TNFRSF10A: variants seen among roughly 807,000 people sequenced by gnomAD.
TNFRSF10A encodes the protein tumor necrosis factor receptor superfamily member 10A.
TNFRSF10A carries 44 observed loss-of-function variants against 42.8 expected under a neutral mutation model. That is an observed-to-expected ratio of 1.03 (90% CI 0.81 to 1.32). TNFRSF10A has a LOEUF of 1.32. Ranked by LOEUF, TNFRSF10A falls within the 40% of genes most tolerant of loss-of-function variation. The pLI is 0.00. For synonymous variants in TNFRSF10A, 259 were observed against 234.2 expected, an observed-to-expected ratio of 1.11 and a Z score of -0.97; for missense variants, 680 against 602.0, an observed-to-expected ratio of 1.13 and a Z score of -1.36.
Position 23,212,169 on chromosome 8 carries a change from G to A in TNFRSF10A, c.350C>T (p.Ser117Leu). ...SAATIKLHDQ[S>L]IGTQQWEHSP... ...ATGTTCCCATTGCTGTGTGCCAATTGATTGATCATGAAGTTTGATGGTTGC... is the reference window on the plus strand; with the variant it reads ...ATGTTCCCATTGCTGTGTGCCAATTAATTGATCATGAAGTTTGATGGTTGC... Residue 117 changes from serine to leucine, a missense_variant, in exon 2 of 10, where the codon TCA (serine) becomes TTA (leucine). Transcript: ENST00000221132. The A allele has an allele frequency of 6.2e-7, 1 of 1,613,842 alleles. No individual in the cohort carries two copies.
At chr8:23,195,730 G>T (rs1800814122) in intron 9 of TNFRSF10A, among the ~76,000 whole-genome samples, 1 of 152,132 alleles carries the variant, frequency 6.6e-6, no homozygotes, top group Non-Finnish European at 1.5e-5. Flanking sequence ...TTTGGTGGAA[G>T]TGGGGCCGAG....
intron 8 of TNFRSF10A, 128 bp from the exon 9 acceptor site, chr8:23,197,332 G>C (rs1800838673): frequency 9.1e-7 from 1 of 1,102,246 alleles, no homozygotes; most frequent in African/African-American, 1.5e-5. Context: ...CATGGAGATG[G>C]TGAAAAACCT....
intron 1 of TNFRSF10A, among the ~76,000 whole-genome samples, chr8:23,220,749 G>A (rs936333019): frequency 1.3e-5 from 2 of 152,208 alleles, no homozygotes; most frequent in Non-Finnish European, 2.9e-5. Flanking sequence ...CAGGCTCAGG[G>A]CATGGCACTG....
At chr8:23,195,048 A>C (rs1038059032) in intron 9 of TNFRSF10A, among the ~76,000 whole-genome samples, 2 of 152,142 alleles carry the variant, frequency 1.3e-5, no homozygotes, top group African/African-American at 4.8e-5. Context: ...GGTCCCAGCT[A>C]CTCAGGAGGC....
rs1161744401 is a variant in TNFRSF10A at position 23,190,952 on chromosome 8, G to A, written c.*742C>T. On this transcript the variant is annotated 3_prime_UTR_variant, in exon 10 of 10. Transcript: ENST00000221132. ...GAAATCCTAGACTCTGATGTCCACA[G>A]GCAGAAGAGTGTCCCAGCTCCAGGA... is the stretch of plus-strand genomic sequence containing the variant. 1 of 152,194 alleles carries A rather than the reference G, an allele frequency of 6.6e-6. No homozygotes were observed. The allele number at this position is 152,194 out of a possible 1,614,324, so 9.4% of individuals were successfully genotyped here. A position where few individuals can be genotyped will look rare whatever the true frequency, so the allele number is the denominator to read the frequency against.
At chr8:23,223,807 G>C (rs956519580) in intron 1 of TNFRSF10A, among the ~76,000 whole-genome samples, 2 of 152,200 alleles carry the variant, frequency 1.3e-5, no homozygotes, top group African/African-American at 2.4e-5. Context: ...CTGAGTGATT[G>C]CTTTCACAGG....
At chr8:23,193,986 C>T (rs778077740) in intron 9 of TNFRSF10A, among the ~76,000 whole-genome samples, 1 of 152,168 alleles carries the variant, frequency 6.6e-6, no homozygotes, top group African/African-American at 2.4e-5. Flanking sequence ...GTGGTGTTCT[C>T]TGCGATGCTG....
At chr8:23,223,642 A>G (rs770264696) in intron 1 of TNFRSF10A, among the ~76,000 whole-genome samples, 31 of 152,170 alleles carry the variant, frequency 2.0e-4, no homozygotes, top group Non-Finnish European at 4.0e-4. Context: ...AAACAAAAAC[A>G]CGTAAAATTT....
In TNFRSF10A at chr8:23,224,610, C is replaced by T. The variant is rs558521922; in HGVS notation, c.306+146G>A. ...GGCCCCGGGGACCCCGTTCTTCCTCCGACTCCGACGACGGGCTCCTCCTGC... is the reference window on the plus strand; with the variant it reads ...GGCCCCGGGGACCCCGTTCTTCCTCTGACTCCGACGACGGGCTCCTCCTGC... On this transcript the variant is annotated intron_variant, in intron 1 of 9. Transcript: ENST00000221132. 4 of 1,125,864 alleles carry T rather than the reference C, an allele frequency of 3.6e-6. No individual in the cohort carries two copies. The Admixed American group carries it at 8.8e-5, about 25-fold the overall frequency. 69.7% of individuals were successfully genotyped at this position (1,125,864 alleles called of 1,614,324 possible). A position where few individuals can be genotyped will look rare whatever the true frequency, so the allele number is the denominator to read the frequency against.
chr8:23,215,867 G>A (rs1320800177), intron 1 of TNFRSF10A, among the ~76,000 whole-genome samples: 3 of 151,014 alleles, frequency 2.0e-5, no homozygotes, highest in Admixed American at 1.3e-4. Flanking sequence ...TGCCCAGGCT[G>A]GAGTGCAGTG....
intron 2 of TNFRSF10A, among the ~76,000 whole-genome samples, chr8:23,208,210 G>C (rs539260163): frequency 6.6e-6 from 1 of 152,314 alleles, no homozygotes; most frequent in South Asian, 2.1e-4. Flanking sequence ...TTTTAGCAAA[G>C]AAAGCAAAGA....
intron 8 of TNFRSF10A, among the ~76,000 whole-genome samples, chr8:23,198,965 C>A (rs976430461): frequency 7.9e-5 from 12 of 152,236 alleles, no homozygotes; most frequent in African/African-American, 2.7e-4. Context: ...TCCCTAACTT[C>A]TGTAGGAGCA....
At chr8:23,221,911 C>T (rs544385681) in intron 1 of TNFRSF10A, among the ~76,000 whole-genome samples, 63 of 151,888 alleles carry the variant, frequency 4.1e-4, no homozygotes, top group African/African-American at 1.4e-3. Flanking sequence ...GAGTCTCGCT[C>T]AGTCGCCCAG....
At position 23,191,786 on chromosome 8, in the gene TNFRSF10A, G is replaced by A; in HGVS notation, c.1315C>T (p.His439Tyr). 1.2e-6 allele frequency: 2 copies of A among 1,614,102 alleles called. No homozygotes were observed. Among genetic ancestry groups the A allele is most frequent in the South Asian group, 2.2e-5 (2 of 91,076 alleles). ...AGGTCCTGAATCTTCTCTCTTGCAT[G>A]TCTCTCTTCCATCCTCTCCAAGGCA... ...LDALERMEERHAREKIQDLLV... is the reference protein window; with the variant it reads ...LDALERMEERYAREKIQDLLV... The change falls in exon 10 of 10, where the codon CAT becomes TAT. Residue 439 changes from histidine (H) to tyrosine (Y), a missense_variant. Coordinates refer to ENST00000221132, the MANE Select transcript of TNFRSF10A (RefSeq NM_003844.4).
At chr8:23,219,089 G>A (rs1801223262) in intron 1 of TNFRSF10A, among the ~76,000 whole-genome samples, 1 of 152,130 alleles carries the variant, frequency 6.6e-6, no homozygotes, top group South Asian at 2.1e-4. Flanking sequence ...CAGCCTCTCT[G>A]GAGGTGGGGG....
At chr8:23,217,457 C>T (rs535961467) in intron 1 of TNFRSF10A, among the ~76,000 whole-genome samples, 51 of 152,280 alleles carry the variant, frequency 3.3e-4, no homozygotes, top group Middle Eastern at 6.8e-3. Flanking sequence ...ACCTCGTGAT[C>T]TGCCCACCTC....
chr8:23,212,918 C>A (rs530773155), intron 1 of TNFRSF10A, among the ~76,000 whole-genome samples: 6 of 152,148 alleles, frequency 3.9e-5, no homozygotes, highest in African/African-American at 1.2e-4. Context: ...GGGGCCCACA[C>A]GAAGAGTTAG....
At chr8:23,212,924 G>A (rs1266460603) in intron 1 of TNFRSF10A, among the ~76,000 whole-genome samples, 1 of 152,224 alleles carries the variant, frequency 6.6e-6, no homozygotes, top group Non-Finnish European at 1.5e-5. Flanking sequence ...CACACGAAGA[G>A]TTAGAAAGTG....
At chr8:23,201,173 C>T (rs1305004948) in intron 4 of TNFRSF10A, among the ~76,000 whole-genome samples, 1 of 152,196 alleles carries the variant, frequency 6.6e-6, no homozygotes, top group East Asian at 1.9e-4. Flanking sequence ...TGGTTCCTCT[C>T]AATCACAGCA....
Sources: allele counts gnomAD v4.1 joint callset (sites outside exome capture counted in the v4.1 genomes callset), GRCh38; gene constraint gnomAD v4.1.1; transcripts MANE v1.5; gene names NCBI Gene and HGNC (gene_info 2026-07-23, HGNC 2026-07-21).